Variants in NPR3 observed in about 807,000 individuals in gnomAD.
NPR3 encodes atrial natriuretic peptide receptor 3.
In NPR3, 34 loss-of-function variants were observed where a neutral mutation model predicts 54.5. The observed-to-expected ratio is 0.62, with a 90% CI of 0.47 to 0.83. NPR3 has a LOEUF of 0.83. Ranked by LOEUF, NPR3 falls within the 40% of genes least tolerant of loss-of-function variation. The pLI, the probability that NPR3 is intolerant of heterozygous loss-of-function variation, is 0.00. For synonymous variants in NPR3, 289 were observed against 297.1 expected (o/e 0.97, Z 0.28); for missense variants, 674 against 720.8 (o/e 0.94, Z 0.74).
chr5:32,736,679 C>T (rs900371840), intron 2 of NPR3, among the ~76,000 whole-genome samples: 3 of 152,208 alleles, frequency 2.0e-5, no homozygotes, highest in Non-Finnish European at 4.4e-5. Context: ...CATGCTGTAT[C>T]TTGGTGATGG....
At chr5:32,770,392 T>G (rs1741693256) in intron 3 of NPR3, among the ~76,000 whole-genome samples, 1 of 150,474 alleles carries the variant, frequency 6.6e-6, no homozygotes, top group Admixed American at 6.6e-5. Flanking sequence ...ATTGCACCAC[T>G]GCACTCCAGC....
chr5:32,768,206 T>C (rs770367322), intron 3 of NPR3, among the ~76,000 whole-genome samples: 1 of 152,148 alleles, frequency 6.6e-6, no homozygotes, highest in Non-Finnish European at 1.5e-5. Flanking sequence ...TCACCAGCCT[T>C]TCAGAGGCAT....
intron 3 of NPR3, among the ~76,000 whole-genome samples, chr5:32,745,467 TG>T (rs1428577851): frequency 6.6e-6 from 1 of 152,200 alleles, no homozygotes; most frequent in African/African-American, 2.4e-5. Flanking sequence ...TCCAGAGCAC[TG>T]GTATTTGGTT....
At chr5:32,699,001 T>C (rs555394958) in intron 1 of NPR3, among the ~76,000 whole-genome samples, 1 of 152,144 alleles carries the variant, frequency 6.6e-6, no homozygotes, top group Non-Finnish European at 1.5e-5. Context: ...AGGACTTAAC[T>C]CCTGCCAGTT....
At chr5:32,727,656 A>C (rs1739207546) in intron 2 of NPR3, among the ~76,000 whole-genome samples, 1 of 152,028 alleles carries the variant, frequency 6.6e-6, no homozygotes, top group African/African-American at 2.4e-5. Flanking sequence ...TGTTATTATG[A>C]TCATGATCTT....
In NPR3 at chr5:32,784,849, G is replaced by A. The variant is rs1374423302; in HGVS notation, c.1480G>A (p.Gly494Arg). ...VTGIVVGALL[G>R]AGLLMAFYFF... ...AGGAATTGTCGTGGGGGCTTTACTAGGAGCTGGCTTGCTAATGGCCTTCTA... is the reference window on the plus strand; with the variant it reads ...AGGAATTGTCGTGGGGGCTTTACTAAGAGCTGGCTTGCTAATGGCCTTCTA... Residue 494 changes from glycine to arginine, a missense_variant, in exon 7 of 8, where the codon GGA (glycine) becomes AGA (arginine). Transcript: ENST00000265074. The A allele has an allele frequency of 1.2e-6, 2 of 1,613,704 alleles. No homozygotes were observed. Among genetic ancestry groups the A allele is most frequent in the Non-Finnish European group, 1.7e-6 (2 of 1,179,804 alleles).
chr5:32,695,336 C>A (rs1159907187), intron 1 of NPR3, among the ~76,000 whole-genome samples: 1 of 152,192 alleles, frequency 6.6e-6, no homozygotes, highest in Non-Finnish European at 1.5e-5. Context: ...ACGATCTCGG[C>A]ACACTGCAAG....
chr5:32,786,565 C>A lies in NPR3; in HGVS notation c.*220C>A. On this transcript the variant is annotated 3_prime_UTR_variant, in exon 8 of 8. Transcript: ENST00000265074. ...TGACAAACAAATATAATAATGATAT[C>A]GTGTCACTCTGTTAAATGTTCATAC... 1 of 519,908 alleles carries A rather than the reference C, an allele frequency of 1.9e-6. No homozygotes were observed. Among genetic ancestry groups the A allele is most frequent in the South Asian group, 2.6e-5 (1 of 38,930 alleles). The allele number at this position is 519,908 out of a possible 1,614,324, so 32.2% of individuals were successfully genotyped here.
At chr5:32,755,500 G>GTA (rs1431305384) in intron 3 of NPR3, among the ~76,000 whole-genome samples, 1 of 152,160 alleles carries the variant, frequency 6.6e-6, no homozygotes, top group Non-Finnish European at 1.5e-5. Flanking sequence ...GTAAGGTATT[G>GTA]TACTATGTGC....
upstream of NPR3, among the ~76,000 whole-genome samples, chr5:32,707,930 C>A (rs1276652180): frequency 6.7e-6 from 1 of 150,318 alleles, no homozygotes; most frequent in East Asian, 1.9e-4. Flanking sequence ...GAAAATAAAC[C>A]GTTGAATACT....
chr5:32,765,993 G>A (rs1267834618), intron 3 of NPR3, among the ~76,000 whole-genome samples: 1 of 152,184 alleles, frequency 6.6e-6, no homozygotes, highest in African/African-American at 2.4e-5. Context: ...AGGGGTTGCG[G>A]GGGGAACTGC....
intron 3 of NPR3, among the ~76,000 whole-genome samples, chr5:32,772,457 G>A (rs1741818807): frequency 6.6e-6 from 1 of 152,186 alleles, no homozygotes; most frequent in Non-Finnish European, 1.5e-5. Flanking sequence ...TCCACCTCTT[G>A]CAGAGGGTCA....
chr5:32,776,664 T>G (rs1015720382), intron 4 of NPR3, among the ~76,000 whole-genome samples: 2 of 152,204 alleles, frequency 1.3e-5, no homozygotes, highest in Non-Finnish European at 2.9e-5. Flanking sequence ...AATTTATTCA[T>G]TCAACAAATG....
intron 1 of NPR3, among the ~76,000 whole-genome samples, chr5:32,691,935 G>A (rs746978955): frequency 6.6e-6 from 1 of 152,134 alleles, no homozygotes; most frequent in Non-Finnish European, 1.5e-5. Context: ...ATAAGAAATA[G>A]CACAATACAA....
At chr5:32,754,479 T>C (rs1206971793) in intron 3 of NPR3, among the ~76,000 whole-genome samples, 3 of 152,166 alleles carry the variant, frequency 2.0e-5, no homozygotes, top group East Asian at 3.9e-4. Flanking sequence ...TTAAGTGATA[T>C]CCTTTCTGGG....
rs1742745205 is a variant in NPR3 at position 32,788,429 on chromosome 5, A to G, written c.*2084A>G. The G allele has an allele frequency of 6.6e-6, 1 of 152,186 alleles. No individual in the cohort carries two copies. Among genetic ancestry groups the G allele is most frequent in the African/African-American group, 2.4e-5 (1 of 41,458 alleles). The allele number at this position is 152,186 out of a possible 1,614,324, so 9.4% of individuals were successfully genotyped here. A position where few individuals can be genotyped will look rare whatever the true frequency, so the allele number is the denominator to read the frequency against. On this transcript the variant is annotated 3_prime_UTR_variant, in exon 8 of 8. Transcript: ENST00000265074. The stretch of plus-strand genomic sequence containing the variant: ...GATTGTGTCCATCTTACTTACTTGA[A>G]TTGGAGAGCTTGTTTCTCTCTCATT...
chr5:32,730,753 A>T (rs1739406775), intron 2 of NPR3, among the ~76,000 whole-genome samples: 1 of 152,222 alleles, frequency 6.6e-6, no homozygotes, highest in Non-Finnish European at 1.5e-5. Flanking sequence ...AATGTAAATT[A>T]AAAAATGTCT....
chr5:32,710,762 G>T (rs1738167215), upstream of NPR3: 6 of 1,547,860 alleles, frequency 3.9e-6, no homozygotes, highest in Non-Finnish European at 4.4e-6. Flanking sequence ...CTTCAGGAGG[G>T]AATGTGGCCA....
chr5:32,716,583 C>T (rs1738563245), intron 1 of NPR3: 1 of 347,084 alleles, frequency 2.9e-6, no homozygotes, highest in Non-Finnish European at 5.6e-6. Flanking sequence ...TTTGAATAGC[C>T]ACTGCATTCC....
Sources: allele counts gnomAD v4.1 joint callset (sites outside exome capture counted in the v4.1 genomes callset), GRCh38; gene constraint gnomAD v4.1.1; transcripts MANE v1.5; gene names NCBI Gene and HGNC (gene_info 2026-07-23, HGNC 2026-07-21).